The following MASTL variants were observed in gnomAD, a reference collection of about 807,000 sequenced individuals.
MASTL encodes the protein serine/threonine-protein kinase greatwall.
A neutral mutation model predicts 82.5 loss-of-function variants in MASTL; 54 were observed. The ratio of observed to expected loss-of-function variants is 0.65; its 90% confidence interval spans 0.53 to 0.82. The LOEUF (loss-of-function observed/expected upper bound fraction) is 0.82, where lower values mean the gene tolerates loss of function less well. MASTL is among the 40% of genes least tolerant of loss of function. MASTL has a pLI of 0.00. For missense variants in MASTL, 950 were observed against 1,047.8 expected (o/e 0.91, Z 1.29); for synonymous variants, 323 against 368.9 (o/e 0.88, Z 1.43).
intron 1 of MASTL, among the ~76,000 whole-genome samples, chr10:27,157,529 A>G (rs1174496113): frequency 6.6e-6 from 1 of 152,226 alleles, no homozygotes; most frequent in Admixed American, 6.5e-5. Flanking sequence ...TTTATTAAGT[A>G]CTCGAATAAA....
At position 27,159,811 on chromosome 10, in the gene MASTL, C is replaced by G. The variant is rs992388975; in HGVS notation, c.464+53C>G. ...CTTAAAAATTCAAGTAATCAAATTA[C>G]ATATTTGAGTCTCAGATATTCACAG... On this transcript the variant is annotated intron_variant, in intron 3 of 11. Transcript: ENST00000375940. The surrounding 1 kb of genome is among the most constrained non-coding windows in gnomAD (Gnocchi z 4.0). 1.6e-5 allele frequency: 23 copies of G among 1,458,896 alleles called. No individual in the cohort carries two copies. The highest frequency in any genetic ancestry group is 3.5e-4 in the Middle Eastern group (2 of 5,776). 90.4% of individuals were successfully genotyped at this position (1,458,896 alleles called of 1,614,324 possible).
intron 11 of MASTL, 88 bp downstream of exon 11, chr10:27,181,669 G>A: frequency 1.0e-6 from 1 of 953,726 alleles, no homozygotes; most frequent in Non-Finnish European, 1.6e-6. Flanking sequence ...GGCTGGGCGT[G>A]GTGGCTCACG....
intron 4 of MASTL, among the ~76,000 whole-genome samples, chr10:27,164,085 C>T (rs1233481340): frequency 6.6e-6 from 1 of 152,104 alleles, no homozygotes; most frequent in Admixed American, 6.6e-5. Flanking sequence ...GGACTAGAGG[C>T]ATGAGCCACC....
At chr10:27,158,292 T>A (rs1464331148) in intron 1 of MASTL, among the ~76,000 whole-genome samples, 1 of 152,202 alleles carries the variant, frequency 6.6e-6, no homozygotes, top group East Asian at 1.9e-4. Context: ...GGGGTATTGC[T>A]TGAGGCTCAT....
At chr10:27,180,013 A>G (rs1374605652) in intron 9 of MASTL, among the ~76,000 whole-genome samples, 4 of 152,212 alleles carry the variant, frequency 2.6e-5, no homozygotes, top group Non-Finnish European at 5.9e-5. Context: ...GTAATTGGTA[A>G]TCTAAACTTC....
rs1044695820 is a variant in MASTL, at chr10:27,186,890, A to T, written c.*354A>T. On this transcript the variant is annotated 3_prime_UTR_variant, in exon 12 of 12. Coordinates refer to ENST00000375940, the MANE Select transcript of MASTL (RefSeq NM_001172303.3). ...ATTTCAGTTCACTGTTCAGTTTAGC[A>T]TTAAAATAATAAAATAATCATACAG... 1.1e-5 allele frequency: 3 copies of T among 273,880 alleles called. No individual in the cohort carries two copies. The highest frequency in any genetic ancestry group is 2.1e-5 in the Non-Finnish European group (3 of 142,090). 17.0% of individuals were successfully genotyped at this position (273,880 alleles called of 1,614,324 possible). A position where few individuals can be genotyped will look rare whatever the true frequency, so the allele number is the denominator to read the frequency against.
intron 9 of MASTL, 124 bp from the exon 10 acceptor site, chr10:27,180,829 G>C: frequency 1.4e-6 from 1 of 722,708 alleles, no homozygotes. Flanking sequence ...TTTTCTTTTT[G>C]CTTCCCCCTG....
intron 8 of MASTL, 89 bp from the exon 9 acceptor site, chr10:27,173,029 T>C: frequency 6.7e-7 from 1 of 1,488,608 alleles, no homozygotes; most frequent in Non-Finnish European, 9.3e-7. Context: ...GCCTATGAGC[T>C]AGTTATTTGG....
At chr10:27,154,562 C>A, upstream of MASTL, 1 of 386,668 alleles carries the variant, frequency 2.6e-6, no homozygotes, top group Non-Finnish European at 4.6e-6. Flanking sequence ...CCTCTTTGGA[C>A]TTTTTCTTCG....
chr10:27,177,887 C>A, intron 9 of MASTL: 1 of 496,424 alleles, frequency 2.0e-6, no homozygotes, highest in Non-Finnish European at 2.6e-6. Flanking sequence ...AACTAGATCA[C>A]ATTGCATAAA....
At position 27,170,477 on chromosome 10, in the gene MASTL, G is replaced by A; in HGVS notation, c.1518G>A (p.Lys506=). The A allele has an allele frequency of 6.2e-7, 1 of 1,613,914 alleles. No homozygotes were observed. The highest frequency in any genetic ancestry group is 1.1e-5 in the South Asian group (1 of 91,068). Residue 506 remains lysine (K), a synonymous_variant, in exon 8 of 12, where the codon AAG becomes AAA. Transcript: ENST00000375940. ...HKSQQNDCAN[K]ENIVNSFTDK... ...GTCAACAAAATGACTGTGCTAATAA[G>A]GAGAACATTGTCAATTCTTTTACTG...
Position 27,187,751 on chromosome 10 carries a change from C to CAA in MASTL, c.*1228_*1229dup, listed in dbSNP as rs11442040. On this transcript the variant is annotated 3_prime_UTR_variant, in exon 12 of 12. Coordinates refer to ENST00000375940, the MANE Select transcript of MASTL (RefSeq NM_001172303.3). ...TGGGCAACAGAATGAGACTCAGTCT[C>CAA]AAAAAAAAAAAAAATACTACTGGAA... 4.0e-3 allele frequency among the ~76,000 whole-genome samples: 559 copies of CAA among 139,302 alleles called. 3 individuals carry two copies. Among genetic ancestry groups the CAA allele is most frequent in the South Asian group, 0.015 (67 of 4,344 alleles). The allele number at this position is 139,302 out of a possible 152,430, so 91.4% of individuals were successfully genotyped here.
intron 6 of MASTL, among the ~76,000 whole-genome samples, chr10:27,165,858 G>A (rs111802368): frequency 1.3e-5 from 2 of 149,658 alleles, no homozygotes; most frequent in South Asian, 2.2e-4. Flanking sequence ...CCTTAATAGC[G>A]CCATTGCACT....
chr10:27,159,538 T>C lies in MASTL; in HGVS notation c.325-81T>C, dbSNP rs2057501751. 3 of 1,001,192 alleles carry C rather than the reference T, an allele frequency of 3.0e-6. No individual in the cohort carries two copies. In the Admixed American group the frequency reaches 5.7e-5, roughly 19 times the overall value. The allele number at this position is 1,001,192 out of a possible 1,614,324, so 62.0% of individuals were successfully genotyped here. ...TTCATTACAGAGCCATGCCAAATAT[T>C]GTAACTGTAATGCCCAAATACTAGA... On this transcript the variant is annotated intron_variant, in intron 2 of 11. Coordinates refer to ENST00000375940, the MANE Select transcript of MASTL (RefSeq NM_001172303.3). This position sits in a 1 kb window ranked among gnomAD's most constrained non-coding sequence, Gnocchi z 4.0.
intron 4 of MASTL, among the ~76,000 whole-genome samples, chr10:27,164,409 G>A (rs10829198): frequency 0.032 from 4,889 of 152,280 alleles, 112 homozygotes; most frequent in African/African-American, 0.065. Flanking sequence ...AAAGTGCTAG[G>A]ATTACAGATG....
chr10:27,159,841 C>T lies in MASTL; in HGVS notation c.464+83C>T. 8.6e-7 allele frequency: 1 copy of T among 1,167,642 alleles called. No individual in the cohort carries two copies. Among genetic ancestry groups the T allele is most frequent in the South Asian group, 1.2e-5 (1 of 80,814 alleles). 72.3% of individuals were successfully genotyped at this position (1,167,642 alleles called of 1,614,324 possible). A position where few individuals can be genotyped will look rare whatever the true frequency, so the allele number is the denominator to read the frequency against. ...TTGAGTCTCAGATATTCACAGTAAC[C>T]ACTTGCACTTATTTCCAGGTTATCT... On this transcript the variant is annotated intron_variant, in intron 3 of 11. Transcript: ENST00000375940. This position sits in a 1 kb window ranked among gnomAD's most constrained non-coding sequence, Gnocchi z 4.0.
Position 27,158,571 on chromosome 10 carries a change from T to A in MASTL, c.209T>A (p.Ile70Asn). 1 of 1,607,584 alleles carries A rather than the reference T, an allele frequency of 6.2e-7. No homozygotes were observed. The highest frequency in any genetic ancestry group is 8.5e-7 in the Non-Finnish European group (1 of 1,174,066). ...AVKVVKKADM[I>N]NKNMTHQVQA... The stretch of plus-strand genomic sequence containing the variant: ...CAGGTTGTTAAAAAAGCAGACATGA[T>A]CAACAAAAATATGACTCATCAGGTC... Residue 70 changes from isoleucine to asparagine, a missense_variant, in exon 2 of 12, where the codon ATC becomes AAC. Transcript: ENST00000375940.
At chr10:27,182,012 T>C (rs1364895821) in intron 11 of MASTL, among the ~76,000 whole-genome samples, 3 of 150,468 alleles carry the variant, frequency 2.0e-5, no homozygotes, top group Admixed American at 6.6e-5. Flanking sequence ...GAGGCAGAGC[T>C]TGCAGTGAGC....
chr10:27,155,033 G>A (rs773282189), upstream of MASTL: 4 of 234,078 alleles, frequency 1.7e-5, no homozygotes, highest in Non-Finnish European at 3.4e-5. Flanking sequence ...TACGCCTCGC[G>A]AGGGTGGGAG....
Sources: allele counts gnomAD v4.1 joint callset (sites outside exome capture counted in the v4.1 genomes callset), GRCh38; gene constraint gnomAD v4.1.1; non-coding constraint Gnocchi (gnomAD v3.1); transcripts MANE v1.5; gene names NCBI Gene and HGNC (gene_info 2026-07-23, HGNC 2026-07-21).